Variants in PRR14L observed in about 807,000 individuals in gnomAD.
PRR14L encodes the protein proline rich 14 like.
PRR14L carries 80 observed loss-of-function variants against 155.0 expected under a neutral mutation model. That is an observed-to-expected ratio of 0.52 (90% CI 0.43 to 0.62). PRR14L has a LOEUF of 0.62. PRR14L is among the 20% of genes least tolerant of loss of function. PRR14L has a pLI of 0.00. For missense variants in PRR14L, 2,469 were observed against 2,548.0 expected (o/e 0.97, Z 0.67); for synonymous variants, 883 against 916.0 (o/e 0.96, Z 0.65).
intron 2 of PRR14L, among the ~76,000 whole-genome samples, chr22:31,735,484 GTTGA>G (rs1425078554): frequency 1.3e-5 from 2 of 151,514 alleles, no homozygotes; most frequent in South Asian, 2.1e-4. Context: ...TAGTTCTTAG[GTTGA>G]TTGTTATGTA....
At chr22:31,744,293 C>T (rs964643039) in intron 1 of PRR14L, among the ~76,000 whole-genome samples, 5 of 152,096 alleles carry the variant, frequency 3.3e-5, no homozygotes, top group Non-Finnish European at 7.4e-5. Context: ...CCACCACACC[C>T]AGCTAATTTT....
rs113183105 is a variant in PRR14L at position 31,721,534 on chromosome 22, G to C, written c.547+4004C>G. Among the ~76,000 whole-genome samples the C allele has an allele frequency of 9.8e-3, 1,468 of 150,548 alleles. 14 individuals are homozygous for C. The highest frequency in any genetic ancestry group is 0.011 in the Non-Finnish European group (754 of 67,774). ...AGTGAGCTGAGATAGTGCCACTGCA[G>C]TCTGGCCTGGGCGACAGAGCAAGAC... On this transcript the variant is annotated intron_variant, in intron 3 of 8. Coordinates refer to ENST00000327423, the MANE Select transcript of PRR14L (RefSeq NM_173566.3).
chr22:31,731,565 C>CAAAAAA (rs55727852), intron 2 of PRR14L, among the ~76,000 whole-genome samples: 1 of 49,248 alleles, frequency 2.0e-5, no homozygotes, highest in African/African-American at 6.6e-5. Flanking sequence ...GAGACTGTCT[C>CAAAAAA]AAAAAAAAAA....
intron 2 of PRR14L, among the ~76,000 whole-genome samples, chr22:31,729,350 T>C (rs1276252022): frequency 2.0e-5 from 3 of 152,010 alleles, no homozygotes; most frequent in African/African-American, 7.2e-5. Context: ...TAGCTGGGAC[T>C]ACAGGCACCC....
rs2074633044 is a variant in PRR14L at position 31,713,116 on chromosome 22, G to A, written c.4723C>T (p.Arg1575Ter). 1.3e-6 allele frequency: 2 copies of A among 1,552,206 alleles called. No individual in the cohort carries two copies. Among genetic ancestry groups the A allele is most frequent in the Non-Finnish European group, 8.7e-7 (1 of 1,147,078 alleles). The change falls in exon 4 of 9, where the codon CGA (arginine) becomes TGA (stop). Residue 1575 changes from arginine to a stop codon, truncating the protein, a stop_gained. Coordinates refer to ENST00000327423, the MANE Select transcript of PRR14L (RefSeq NM_173566.3). LOFTEE classifies it high-confidence loss of function. The part of the protein sequence containing the change: ...LSLCTLSAPT[R>*]LEPETAPTKS... ...GTAGGTGCTGTTTCAGGTTCTAATC[G>A]TGTAGGTGCAGACAGAGTACACAAA...
intron 4 of PRR14L, among the ~76,000 whole-genome samples, chr22:31,707,971 G>A (rs1382902831): frequency 6.6e-6 from 1 of 152,020 alleles, no homozygotes; most frequent in Non-Finnish European, 1.5e-5. Context: ...CCAACATGCA[G>A]AAATCCCATC....
At chr22:31,748,512 T>C (rs1330272396) in intron 1 of PRR14L, among the ~76,000 whole-genome samples, 2 of 152,220 alleles carry the variant, frequency 1.3e-5, no homozygotes, top group Non-Finnish European at 2.9e-5. Flanking sequence ...TCCTCTGTTT[T>C]ATAAAGGAAA....
intron 1 of PRR14L, among the ~76,000 whole-genome samples, chr22:31,744,709 C>T (rs919680801): frequency 1.4e-4 from 22 of 152,224 alleles, no homozygotes; most frequent in African/African-American, 4.6e-4. Flanking sequence ...GTGGACTCAA[C>T]TCCCTGCAGT....
At chr22:31,705,051 G>A (rs2074582620) in intron 4 of PRR14L, among the ~76,000 whole-genome samples, 1 of 152,110 alleles carries the variant, frequency 6.6e-6, no homozygotes, top group African/African-American at 2.4e-5. Flanking sequence ...CTTCAGCCTA[G>A]GAGTTCAAGA....
rs376109818 is a variant in PRR14L, at chr22:31,715,235, T to C, written c.2604A>G (p.Pro868=). The change falls in exon 4 of 9, where the codon CCA becomes CCG. Residue 868 remains proline, a synonymous_variant. Transcript: ENST00000327423. ...CCATTTTGTTTCTGATCTTATCTCC[T>C]GGAAGGCTGCCATTCGTTTCTTTCC... ...LDGKETNGSL[P]GDKIRNKMVA... is the part of the protein sequence containing the mutation. The C allele has an allele frequency of 4.5e-6, 7 of 1,552,248 alleles. No individual in the cohort carries two copies. In the African/African-American group the frequency reaches 6.8e-5, roughly 15 times the overall value.
chr22:31,712,162 G>A lies in PRR14L; in HGVS notation c.5677C>T (p.Pro1893Ser), dbSNP rs2074626556. 5 of 1,614,122 alleles carry A rather than the reference G, an allele frequency of 3.1e-6. No individual in the cohort carries two copies. The highest frequency in any genetic ancestry group is 3.4e-6 in the Non-Finnish European group (4 of 1,180,018). The change falls in exon 4 of 9, where the codon CCT becomes TCT. Residue 1893 changes from proline (P) to serine (S), a missense_variant. Pro to Ser is a moderately conservative substitution (Grantham distance 74). This residue lies in a region of PRR14L where 2,363 missense variants were observed against 2,371.6 expected (regional missense o/e 1.00). Transcript: ENST00000327423. ...GAGATTTCGAAGGAGCAGACAGAAGGACCATGCTGGCTCCAAATGGATAGG... is the reference window on the plus strand; with the variant it reads ...GAGATTTCGAAGGAGCAGACAGAAGAACCATGCTGGCTCCAAATGGATAGG... Reference protein sequence around the residue: ...RVLSIWSQHGPSVCSFEISSL... With the variant: ...RVLSIWSQHGSSVCSFEISSL...
At position 31,726,523 on chromosome 22, in the gene PRR14L, T is replaced by C. The variant is rs563776174; in HGVS notation, c.475-913A>G. On this transcript the variant is annotated intron_variant, in intron 2 of 8. Coordinates refer to ENST00000327423, the MANE Select transcript of PRR14L (RefSeq NM_173566.3). Reference sequence around the variant, plus strand: ...CTCAAGTGATCTGCCTACCTCAGCCTTCCAAAGAGCTGGGATTAAAGGCAT... The same window carrying C: ...CTCAAGTGATCTGCCTACCTCAGCCCTCCAAAGAGCTGGGATTAAAGGCAT... Among the ~76,000 whole-genome samples, 10 of 152,264 alleles carry C rather than the reference T, an allele frequency of 6.6e-5. No individual in the cohort carries two copies. The South Asian group carries it at 1.9e-3, about 28-fold the overall frequency.
intron 7 of PRR14L, among the ~76,000 whole-genome samples, chr22:31,701,194 G>A (rs562481083): frequency 1.6e-4 from 24 of 151,898 alleles, no homozygotes; most frequent in African/African-American, 5.8e-4. Context: ...CTCCGTGTGG[G>A]TCAGGCTGGT....
chr22:31,707,951 G>T (rs1034920351), intron 4 of PRR14L, among the ~76,000 whole-genome samples: 1 of 152,030 alleles, frequency 6.6e-6, no homozygotes, highest in Non-Finnish European at 1.5e-5. Flanking sequence ...GGAGTTCAAG[G>T]CCAGCCTGAC....
At chr22:31,742,032 G>C (rs572107691) in intron 1 of PRR14L, among the ~76,000 whole-genome samples, 8 of 152,268 alleles carry the variant, frequency 5.3e-5, no homozygotes, top group African/African-American at 1.9e-4. Context: ...AGATAACGTG[G>C]AGTTGCTATT....
At chr22:31,722,830 C>T (rs546725949) in intron 3 of PRR14L, among the ~76,000 whole-genome samples, 4 of 152,160 alleles carry the variant, frequency 2.6e-5, no homozygotes, top group Non-Finnish European at 4.4e-5. Flanking sequence ...CTGCGCCCAG[C>T]CGGCATCATT....
At chr22:31,697,299 C>CT (rs2074539874) in intron 7 of PRR14L, among the ~76,000 whole-genome samples, 1 of 108,524 alleles carries the variant, frequency 9.2e-6, no homozygotes, top group African/African-American at 4.2e-5. Context: ...GATACTCTGT[C>CT]TCAAAAAAAA....
At position 31,716,154 on chromosome 22, in the gene PRR14L, C is replaced by T. The variant is rs1271514632; in HGVS notation, c.1685G>A (p.Cys562Tyr). Residue 562 changes from cysteine to tyrosine, a missense_variant, in exon 4 of 9, where the codon TGT (cysteine) becomes TAT (tyrosine). Cys to Tyr is a radical substitution (Grantham distance 194, BLOSUM62 -2). Around this residue, in one of 2 missense-constraint regions of PRR14L, gnomAD observed 2,363 missense variants for 2,371.6 expected, o/e 1.00. Coordinates refer to ENST00000327423, the MANE Select transcript of PRR14L (RefSeq NM_173566.3). The stretch of plus-strand genomic sequence containing the variant: ...TTTTCTTTCAAACAGAAAATCATTA[C>T]ATGATGCTTCATTTAACTGGGTGTT... ...EGNTQLNEAS[C>Y]NDFLFERKSI... The T allele has an allele frequency of 6.4e-7, 1 of 1,551,364 alleles. No homozygotes were observed. Among genetic ancestry groups the T allele is most frequent in the Admixed American group, 2.0e-5 (1 of 50,990 alleles).
At position 31,723,764 on chromosome 22, in the gene PRR14L, T is replaced by C. The variant is rs147909612; in HGVS notation, c.547+1774A>G. Among the ~76,000 whole-genome samples the C allele has an allele frequency of 1.2e-3, 189 of 152,342 alleles. 1 individual carries two copies. Among genetic ancestry groups the C allele is most frequent in the Non-Finnish European group, 2.1e-3 (140 of 68,032 alleles). On this transcript the variant is annotated intron_variant, in intron 3 of 8. Coordinates refer to ENST00000327423, the MANE Select transcript of PRR14L (RefSeq NM_173566.3). The stretch of plus-strand genomic sequence containing the variant: ...CAAATGTCCTTTTTCATAAGAAAGA[T>C]TGGTGCTTCCTTTTCTGTCCAGGCT...
Sources: allele counts gnomAD v4.1 joint callset (sites outside exome capture counted in the v4.1 genomes callset), GRCh38; gene constraint gnomAD v4.1.1; regional missense constraint gnomAD v4.1.1; transcripts MANE v1.5; gene names NCBI Gene and HGNC (gene_info 2026-07-23, HGNC 2026-07-21).